Variants in ERGIC1 observed in about 807,000 individuals in gnomAD.
ERGIC1 encodes endoplasmic reticulum-golgi intermediate compartment 1, also known as endoplasmic reticulum-Golgi intermediate compartment protein 1.
Under a neutral mutation model 38.3 loss-of-function variants are expected in ERGIC1, and 19 were observed. That is an observed-to-expected ratio of 0.50 (90% CI 0.35 to 0.73). The LOEUF is 0.73. ERGIC1 is among the 30% of genes least tolerant of loss of function. ERGIC1 has a pLI of 0.01. For synonymous variants in ERGIC1, 124 were observed against 157.6 expected (o/e 0.79, Z 1.60); for missense variants, 294 against 389.2 (o/e 0.76, Z 2.06).
chr5:172,904,426 G>T (rs1762967095), intron 3 of ERGIC1, among the ~76,000 whole-genome samples: 1 of 152,176 alleles, frequency 6.6e-6, no homozygotes, highest in African/African-American at 2.4e-5. Flanking sequence ...GGAAACTGAG[G>T]CTCAGAGAGG....
At chr5:172,919,622 C>T (rs202153682) in intron 5 of ERGIC1, among the ~76,000 whole-genome samples, 1 of 152,244 alleles carries the variant, frequency 6.6e-6, no homozygotes, top group African/African-American at 2.4e-5. Context: ...AGTTTAGCTT[C>T]TCTGAGCCTC....
At chr5:172,943,893 T>C (rs1476107263) in intron 9 of ERGIC1, among the ~76,000 whole-genome samples, 2 of 151,648 alleles carry the variant, frequency 1.3e-5, no homozygotes, top group African/African-American at 4.9e-5. Context: ...ATCCTTCTCA[T>C]ATTATAAGGA....
intron 1 of ERGIC1, among the ~76,000 whole-genome samples, chr5:172,839,694 C>T (rs1175707834): frequency 6.6e-6 from 1 of 152,132 alleles, no homozygotes; most frequent in African/African-American, 2.4e-5. Flanking sequence ...GCCAGTATTT[C>T]GGGTTTATTG....
intron 4 of ERGIC1, among the ~76,000 whole-genome samples, chr5:172,911,223 G>A (rs749490839): frequency 2.0e-4 from 31 of 152,188 alleles, no homozygotes; most frequent in African/African-American, 5.8e-4. Context: ...TGAGATTTAC[G>A]TCACAATTTT....
chr5:172,841,733 C>T (rs72811964), intron 1 of ERGIC1, among the ~76,000 whole-genome samples: 3,744 of 152,302 alleles, frequency 0.025, 71 homozygotes, highest in Non-Finnish European at 0.037. Context: ...AGCAATACCT[C>T]ACGGCCCTTC....
At chr5:172,910,356 C>T (rs1239689708) in intron 4 of ERGIC1, among the ~76,000 whole-genome samples, 1 of 152,156 alleles carries the variant, frequency 6.6e-6, no homozygotes, top group African/African-American at 2.4e-5. Flanking sequence ...GAGAAGGGCG[C>T]AGCTCTGAGT....
At chr5:172,865,527 C>T (rs1220672404) in intron 1 of ERGIC1, among the ~76,000 whole-genome samples, 1 of 152,164 alleles carries the variant, frequency 6.6e-6, no homozygotes, top group African/African-American at 2.4e-5. Context: ...AGCTCAATGG[C>T]TTTTTTACCT....
chr5:172,945,703 G>T (rs1764106983), intron 9 of ERGIC1, among the ~76,000 whole-genome samples: 1 of 152,024 alleles, frequency 6.6e-6, no homozygotes, highest in Non-Finnish European at 1.5e-5. Context: ...ATTTATTTTG[G>T]CAACAGAGTC....
intron 5 of ERGIC1, chr5:172,915,510 G>A: frequency 2.2e-6 from 1 of 460,806 alleles, no homozygotes; most frequent in Non-Finnish European, 4.6e-6. Flanking sequence ...CTGTTGTTTT[G>A]TCCTCAGAAC....
intron 3 of ERGIC1, chr5:172,906,027 C>T (rs1287520366): frequency 2.2e-6 from 1 of 455,902 alleles, no homozygotes; most frequent in Non-Finnish European, 4.4e-6. Flanking sequence ...GTCACCTTCC[C>T]CAGCTAGGGT....
intron 1 of ERGIC1, among the ~76,000 whole-genome samples, chr5:172,874,921 TA>T (rs541037638): frequency 0.061 from 6,222 of 101,258 alleles, 171 homozygotes; most frequent in African/African-American, 0.12. Context: ...AGACCCTGTC[TA>T]AAAAAAAAAA....
At chr5:172,909,493 TGAAGA>T (rs1561730563) in intron 3 of ERGIC1, among the ~76,000 whole-genome samples, 169 bp from the exon 4 acceptor site, 1 of 152,080 alleles carries the variant, frequency 6.6e-6, no homozygotes, top group African/African-American at 2.4e-5. Context: ...AGGCTGCACT[TGAAGA>T]GTGCAGCCTA....
intron 1 of ERGIC1, among the ~76,000 whole-genome samples, chr5:172,851,298 C>G (rs567265012): frequency 3.5e-4 from 53 of 151,466 alleles, no homozygotes; most frequent in African/African-American, 1.3e-3. Flanking sequence ...CACCTGAGGT[C>G]AGGAGTTCAA....
At chr5:172,904,993 C>T (rs186532463) in intron 3 of ERGIC1, among the ~76,000 whole-genome samples, 119 of 152,314 alleles carry the variant, frequency 7.8e-4, no homozygotes, top group Non-Finnish European at 1.4e-3. Flanking sequence ...AGCCTGTTCT[C>T]TGCTTATTCT....
At chr5:172,912,681 C>T (rs1763237608) in intron 4 of ERGIC1, among the ~76,000 whole-genome samples, 1 of 152,202 alleles carries the variant, frequency 6.6e-6, no homozygotes, top group Non-Finnish European at 1.5e-5. Flanking sequence ...GCCACCGCGC[C>T]CAGCCAAGAA....
At chr5:172,940,291 C>T (rs1293087172) in intron 9 of ERGIC1, among the ~76,000 whole-genome samples, 2 of 152,188 alleles carry the variant, frequency 1.3e-5, no homozygotes, top group African/African-American at 2.4e-5. Flanking sequence ...CTTCTTGGAG[C>T]TTCTCTCTCT....
intron 7 of ERGIC1, among the ~76,000 whole-genome samples, chr5:172,930,870 T>G (rs534408516): frequency 3.9e-5 from 6 of 152,330 alleles, no homozygotes; most frequent in African/African-American, 1.4e-4. Flanking sequence ...ATGATTCGAC[T>G]GCTTCTGACA....
chr5:172,952,519 A>AG lies in ERGIC1; in HGVS notation c.*1704dup, dbSNP rs1561749858. On this transcript the variant is annotated 3_prime_UTR_variant, in exon 10 of 10. Transcript: ENST00000393784. ...GAAATTCTTTTATGCATTTTTTTGAAGAAAAAAAAAAAAACAACTCTGAGG... is the reference window on the plus strand; with the variant it reads ...GAAATTCTTTTATGCATTTTTTTGAAGGAAAAAAAAAAAAACAACTCTGAGG... 1.7e-4 allele frequency: 16 copies of AG among 95,292 alleles called. No individual in the cohort carries two copies. Among genetic ancestry groups the AG allele is most frequent in the African/African-American group, 7.6e-4 (13 of 17,152 alleles). 5.9% of individuals were successfully genotyped at this position (95,292 alleles called of 1,614,324 possible).
rs1763596723 is a variant in ERGIC1, at chr5:172,924,105, TACAGGTGA to T, written c.477_480+4del. ...CACAAGCTCTCCTTTGGGGACACGCTACAGGTGAGCAGGGGACACTCGAGATGGCATGG... is the reference window on the plus strand; with the variant it reads ...CACAAGCTCTCCTTTGGGGACACGCTGCAGGGGACACTCGAGATGGCATGG... On this transcript the variant is annotated splice_donor_variant and splice_donor_region_variant and coding_sequence_variant and intron_variant, in exon 6 of 10. Transcript: ENST00000393784. LOFTEE classifies it high-confidence loss of function. The T allele has an allele frequency of 6.2e-7, 1 of 1,613,816 alleles. No individual in the cohort carries two copies. The highest frequency in any genetic ancestry group is 1.3e-5 in the African/African-American group (1 of 74,928).
Sources: gnomAD v4.1 joint callset for allele counts (sites outside exome capture counted in the v4.1 genomes callset) on GRCh38, gnomAD v4.1.1 for gene constraint, MANE v1.5 for transcripts, NCBI Gene and HGNC (gene_info 2026-07-23, HGNC 2026-07-21) for gene names.